Variants in CLC observed in about 807,000 individuals in gnomAD.
CLC encodes Charcot-Leyden crystal galectin, also known as galectin-10.
In CLC, 15 loss-of-function variants were observed where a neutral mutation model predicts 13.9. That is an observed-to-expected ratio of 1.08 (90% confidence interval 0.72 to 1.66). The LOEUF is 1.66. Ranked by LOEUF, CLC falls within the 40% of genes most tolerant of loss-of-function variation. The pLI, the probability that CLC is intolerant of heterozygous loss-of-function variation, is 0.00. For missense variants in CLC, 161 were observed against 169.1 expected, an observed-to-expected ratio of 0.95 and a Z score of 0.27; for synonymous variants, 68 against 59.9, an observed-to-expected ratio of 1.14 and a Z score of -0.63.
At chr19:39,733,573 G>A (rs561482289) in intron 3 of CLC, among the ~76,000 whole-genome samples, 2 of 152,282 alleles carry the variant, frequency 1.3e-5, no homozygotes, top group Non-Finnish European at 2.9e-5. Flanking sequence ...AGCAAGTTGA[G>A]GAAATCCTTC....
rs776178968 is a variant in CLC at position 39,734,465 on chromosome 19, G to A, written c.121C>T (p.His41Tyr). Residue 41 changes from histidine (H) to tyrosine (Y), a missense_variant, in exon 3 of 4, where the codon CAC (histidine) becomes TAC (tyrosine). Physicochemically the swap from His to Tyr is moderately conservative, Grantham distance 83 (BLOSUM62 2). Coordinates refer to ENST00000221804, the MANE Select transcript of CLC (RefSeq NM_001828.6). ...LNEPYLQVDFHTEMKEESDIV... is the reference protein window; with the variant it reads ...LNEPYLQVDFYTEMKEESDIV... ...TCTGATTCCTCCTTCATCTCAGTGT[G>A]GAAATCCACCTGCAGATATGGTTCA... 13 of 1,614,024 alleles carry A rather than the reference G, an allele frequency of 8.1e-6. No individual in the cohort carries two copies. The highest frequency in any genetic ancestry group is 1.1e-5 in the South Asian group (1 of 91,086).
In CLC at chr19:39,738,000, TG is replaced by T. The variant is rs746751705; in HGVS notation, c.-49del. The T allele has an allele frequency of 1.3e-6, 2 of 1,592,572 alleles. No homozygotes were observed. The highest frequency in any genetic ancestry group is 4.5e-5 in the East Asian group (2 of 44,740). On this transcript the variant is annotated 5_prime_UTR_variant, in exon 1 of 4. Transcript: ENST00000221804. ...CTTCTGAATTGTGTCCAGACTTCTG[TG>T]TGAATCTCTGAGCTGCAGAATTTAA...
In CLC at chr19:39,731,359, C is replaced by A. The variant is rs764365672; in HGVS notation, c.*21G>T. 8 of 1,611,734 alleles carry A rather than the reference C, an allele frequency of 5.0e-6. No individual in the cohort carries two copies. The highest frequency in any genetic ancestry group is 6.8e-6 in the Non-Finnish European group (8 of 1,179,044). On this transcript the variant is annotated 3_prime_UTR_variant, in exon 4 of 4. Transcript: ENST00000221804. Reference sequence around the variant, plus strand: ...CCAAGTTCACGTAGAGACAGGGATTCCTTGGCAACATGAAGTCTGGTTATC... The same window carrying A: ...CCAAGTTCACGTAGAGACAGGGATTACTTGGCAACATGAAGTCTGGTTATC...
rs200513630 is a variant in CLC, at chr19:39,731,371, G to A, written c.*9C>T. 1.7e-5 allele frequency: 28 copies of A among 1,612,770 alleles called. No individual in the cohort carries two copies. The highest frequency in any genetic ancestry group is 2.2e-5 in the Non-Finnish European group (26 of 1,179,440). On this transcript the variant is annotated 3_prime_UTR_variant, in exon 4 of 4. Coordinates refer to ENST00000221804, the MANE Select transcript of CLC (RefSeq NM_001828.6). ...AGAGACAGGGATTCCTTGGCAACAT[G>A]AAGTCTGGTTATCTCTTTAAATAGC...
chr19:39,734,905 A>G (rs1967285867), intron 2 of CLC, 92 bp downstream of exon 2: 7 of 1,012,830 alleles, frequency 6.9e-6, no homozygotes, highest in Non-Finnish European at 9.2e-6. Flanking sequence ...CCTGCCAACT[A>G]GACTTTCCAC....
At position 39,734,283 on chromosome 19, in the gene CLC, C is replaced by A. The variant is rs762028295; in HGVS notation, c.303G>T (p.Gln101His). The A allele has an allele frequency of 1.7e-5, 28 of 1,613,176 alleles. No homozygotes were observed. Among genetic ancestry groups the A allele is most frequent in the Non-Finnish European group, 2.3e-5 (27 of 1,179,912 alleles). Residue 101 changes from glutamine to histidine, a missense_variant and splice_region_variant, in exon 3 of 4, where the codon CAG (glutamine) becomes CAT (histidine). Gln to His is a conservative substitution (Grantham distance 24). Transcript: ENST00000221804. Reference sequence around the variant, plus strand: ...TGCGGGGAGCTCCTGGGGTGCTCACCTGGTACTTATCTGGCAGCACTGAGA... The same window carrying A: ...TGCGGGGAGCTCCTGGGGTGCTCACATGGTACTTATCTGGCAGCACTGAGA... ...LSISVLPDKY[Q>H]VMVNGQSSYT...
At chr19:39,736,124 T>C (rs1967305136) in intron 1 of CLC, among the ~76,000 whole-genome samples, 1 of 152,044 alleles carries the variant, frequency 6.6e-6, no homozygotes, top group African/African-American at 2.4e-5. Flanking sequence ...CGTTTGACTG[T>C]TTCAGGTACT....
chr19:39,734,549 G>GAC, intron 2 of CLC, 56 bp from the exon 3 acceptor site: 2 of 1,444,586 alleles, frequency 1.4e-6, no homozygotes, highest in Non-Finnish European at 1.9e-6. Context: ...GCACACACAA[G>GAC]ACACACACAC....
chr19:39,734,089 A>T lies in CLC; in HGVS notation c.303+194T>A, dbSNP rs564769534. The T allele has an allele frequency of 5.1e-6, 5 of 985,018 alleles. No individual in the cohort carries two copies. The South Asian group carries it at 1.4e-4, about 28-fold the overall frequency. 61.0% of individuals were successfully genotyped at this position (985,018 alleles called of 1,614,324 possible). A position where few individuals can be genotyped will look rare whatever the true frequency, so the allele number is the denominator to read the frequency against. On this transcript the variant is annotated intron_variant, in intron 3 of 3. Transcript: ENST00000221804. ...TGAGAGAGGGAAATGATAAAAGTAA[A>T]GGGAACCCCTGTGTGTGTGATAAAA...
chr19:39,731,849 C>T (rs1259876798), intron 3 of CLC, among the ~76,000 whole-genome samples: 1 of 152,142 alleles, frequency 6.6e-6, no homozygotes, highest in Non-Finnish European at 1.5e-5. Context: ...GGGCCAGCCA[C>T]AGGGTAAGTG....
Position 39,737,999 on chromosome 19 carries a change from G to T in CLC, c.-47C>A. The T allele has an allele frequency of 6.3e-7, 1 of 1,595,730 alleles. No homozygotes were observed. The highest frequency in any genetic ancestry group is 8.6e-7 in the Non-Finnish European group (1 of 1,165,892). Reference sequence around the variant, plus strand: ...TCTTCTGAATTGTGTCCAGACTTCTGTGTGAATCTCTGAGCTGCAGAATTT... The same window carrying T: ...TCTTCTGAATTGTGTCCAGACTTCTTTGTGAATCTCTGAGCTGCAGAATTT... On this transcript the variant is annotated 5_prime_UTR_variant, in exon 1 of 4. Coordinates refer to ENST00000221804, the MANE Select transcript of CLC (RefSeq NM_001828.6).
rs1003020204 is a variant in CLC, at chr19:39,733,850, T to C, written c.303+433A>G. 6.4e-5 allele frequency: 49 copies of C among 760,938 alleles called. No homozygotes were observed. In the African/African-American group the frequency reaches 8.0e-4, roughly 12 times the overall value. 47.1% of individuals were successfully genotyped at this position (760,938 alleles called of 1,614,324 possible). Reference sequence around the variant, plus strand: ...GATTGAGGAGTGAGAAGTCTTCATATTGGACTGACTAAAACAATTTTATTC... The same window carrying C: ...GATTGAGGAGTGAGAAGTCTTCATACTGGACTGACTAAAACAATTTTATTC... On this transcript the variant is annotated intron_variant, in intron 3 of 3. Coordinates refer to ENST00000221804, the MANE Select transcript of CLC (RefSeq NM_001828.6).
intron 3 of CLC, among the ~76,000 whole-genome samples, 166 bp from the exon 4 acceptor site, chr19:39,731,671 ATC>A (rs766051205): frequency 2.6e-5 from 4 of 152,158 alleles, no homozygotes; most frequent in Non-Finnish European, 4.4e-5. Context: ...TGTTGTAACT[ATC>A]TGAGACAGTT....
rs1307566540 is a variant in CLC at position 39,731,302 on chromosome 19, A to G, written c.*78T>C. 6.8e-7 allele frequency: 1 copy of G among 1,463,700 alleles called. No homozygotes were observed. The highest frequency in any genetic ancestry group is 9.5e-7 in the Non-Finnish European group (1 of 1,048,412). The allele number at this position is 1,463,700 out of a possible 1,614,324, so 90.7% of individuals were successfully genotyped here. ...GAGCAGGAGTAAGGATTGAAGTGAG[A>G]AAAGATCATGCTGTTAGCTGGCTTT... On this transcript the variant is annotated 3_prime_UTR_variant, in exon 4 of 4. Transcript: ENST00000221804.
At chr19:39,736,201 AAAG>A (rs1356444177) in intron 1 of CLC, among the ~76,000 whole-genome samples, 5 of 151,510 alleles carry the variant, frequency 3.3e-5, no homozygotes, top group East Asian at 1.9e-4. Flanking sequence ...CCAAAAAAAA[AAAG>A]AAAGAAAGAA....
chr19:39,736,774 CAA>C (rs71171518), intron 1 of CLC, among the ~76,000 whole-genome samples: 17,936 of 137,822 alleles, frequency 0.13, 1,158 homozygotes, highest in African/African-American at 0.15. Context: ...GACTCTGTCT[CAA>C]AAAAAAAAAA....
At chr19:39,733,014 G>C (rs112883439) in intron 3 of CLC, among the ~76,000 whole-genome samples, 7 of 141,508 alleles carry the variant, frequency 4.9e-5, no homozygotes, top group Admixed American at 4.2e-4. Context: ...GAAAATTTTC[G>C]CAACCTACTC....
At chr19:39,737,409 C>T (rs1281320707) in intron 1 of CLC, among the ~76,000 whole-genome samples, 1 of 151,916 alleles carries the variant, frequency 6.6e-6, no homozygotes, top group African/African-American at 2.4e-5. Context: ...GGGGAGGAAC[C>T]TTCACATGCA....
chr19:39,731,306 G>C lies in CLC; in HGVS notation c.*74C>G. ...AGGAGTAAGGATTGAAGTGAGAAAA[G>C]ATCATGCTGTTAGCTGGCTTTGGAA... On this transcript the variant is annotated 3_prime_UTR_variant, in exon 4 of 4. Coordinates refer to ENST00000221804, the MANE Select transcript of CLC (RefSeq NM_001828.6). 6.8e-7 allele frequency: 1 copy of C among 1,474,462 alleles called. No individual in the cohort carries two copies. The allele number at this position is 1,474,462 out of a possible 1,614,324, so 91.3% of individuals were successfully genotyped here.
Sources: gnomAD v4.1 joint callset for allele counts (sites outside exome capture counted in the v4.1 genomes callset) on GRCh38, gnomAD v4.1.1 for gene constraint, MANE v1.5 for transcripts, NCBI Gene and HGNC (gene_info 2026-07-23, HGNC 2026-07-21) for gene names.